MIPOL1: variants seen among roughly 807,000 people sequenced by gnomAD.
The protein encoded by MIPOL1 is mirror-image polydactyly gene 1 protein.
In MIPOL1, 57 loss-of-function variants were observed where a neutral mutation model predicts 60.9. That is an observed-to-expected ratio of 0.94 (90% CI 0.76 to 1.17). The LOEUF is 1.17. Among genes scored for constraint, MIPOL1 ranks in the 50% most tolerant of loss-of-function variants. The pLI is 0.00. For synonymous variants in MIPOL1, 179 were observed against 168.8 expected (o/e 1.06, Z -0.47); for missense variants, 551 against 511.6 (o/e 1.08, Z -0.74).
chr14:37,212,580 T>A (rs78378457), intron 1 of MIPOL1, among the ~76,000 whole-genome samples: 5,206 of 152,140 alleles, frequency 0.034, 226 homozygotes, highest in East Asian at 0.24. Flanking sequence ...CTTGCCGCAT[T>A]TTTTACTCTA....
At chr14:37,415,669 C>T (rs2093756192) in intron 10 of MIPOL1, among the ~76,000 whole-genome samples, 1 of 151,130 alleles carries the variant, frequency 6.6e-6, no homozygotes, top group African/African-American at 2.4e-5. Context: ...TTTAAAGCAC[C>T]AAATTTTGTC....
rs543005265 is a variant in MIPOL1 at position 37,547,258 on chromosome 14, T to C, written c.*287T>C. The C allele has an allele frequency of 5.2e-5, 16 of 307,878 alleles. No individual in the cohort carries two copies. In the East Asian group the frequency reaches 9.4e-4, roughly 18 times the overall value. The allele number at this position is 307,878 out of a possible 1,614,324, so 19.1% of individuals were successfully genotyped here. A position where few individuals can be genotyped will look rare whatever the true frequency, so the allele number is the denominator to read the frequency against. On this transcript the variant is annotated 3_prime_UTR_variant, in exon 13 of 13. Coordinates refer to ENST00000684589, the MANE Select transcript of MIPOL1 (RefSeq NM_001388067.1). ...TATATCTCAATATCTTTAATATAAA[T>C]CTTTTTACTGAGAGATCATTATAGA...
chr14:37,387,611 C>A (rs1289125158), intron 10 of MIPOL1, among the ~76,000 whole-genome samples: 1 of 151,880 alleles, frequency 6.6e-6, no homozygotes, highest in Non-Finnish European at 1.5e-5. Context: ...TGTGACCTAA[C>A]TTTCAGCCTA....
chr14:37,243,043 A>G (rs1046611282), intron 1 of MIPOL1, among the ~76,000 whole-genome samples: 1 of 152,202 alleles, frequency 6.6e-6, no homozygotes, highest in African/African-American at 2.4e-5. Flanking sequence ...GACCAGCATG[A>G]CTGGAGCATA....
intron 9 of MIPOL1, among the ~76,000 whole-genome samples, chr14:37,351,373 G>T (rs1202181991): frequency 2.7e-5 from 4 of 147,076 alleles, no homozygotes; most frequent in Non-Finnish European, 6.0e-5. Flanking sequence ...AAACATACGT[G>T]TGCATGTGTC....
chr14:37,406,077 A>G (rs1466895076), intron 10 of MIPOL1, among the ~76,000 whole-genome samples: 1 of 152,142 alleles, frequency 6.6e-6, no homozygotes, highest in East Asian at 1.9e-4. Context: ...AAATTTTAGA[A>G]TAATTTTATG....
chr14:37,231,946 G>A (rs1970702970), intron 1 of MIPOL1, among the ~76,000 whole-genome samples: 1 of 151,982 alleles, frequency 6.6e-6, no homozygotes, highest in Non-Finnish European at 1.5e-5. Flanking sequence ...GCCGGATATG[G>A]TGGTATGTGC....
chr14:37,369,377 C>G (rs1413387626), intron 9 of MIPOL1, 140 bp from the exon 10 acceptor site: 10 of 447,866 alleles, frequency 2.2e-5, no homozygotes, highest in Non-Finnish European at 2.3e-5. Context: ...TTTAACATTA[C>G]TTTTACTTAC....
chr14:37,535,349 G>A (rs1397790700), intron 12 of MIPOL1, among the ~76,000 whole-genome samples: 1 of 152,078 alleles, frequency 6.6e-6, no homozygotes, highest in Non-Finnish European at 1.5e-5. Flanking sequence ...TTTTTTCTGT[G>A]TTCTATTTAA....
chr14:37,252,259 A>G (rs1974240963), intron 3 of MIPOL1, among the ~76,000 whole-genome samples: 2 of 151,818 alleles, frequency 1.3e-5, no homozygotes, highest in Non-Finnish European at 2.9e-5. Flanking sequence ...ATTTATCTTT[A>G]AGCTTAAAAC....
intron 3 of MIPOL1, among the ~76,000 whole-genome samples, chr14:37,264,102 C>A (rs943693117): frequency 6.6e-6 from 1 of 152,126 alleles, no homozygotes; most frequent in Non-Finnish European, 1.5e-5. Context: ...AAAGATCCTT[C>A]TCCTGGGCTG....
chr14:37,252,390 ATTTAACAAT>A (rs1484021090), intron 3 of MIPOL1, among the ~76,000 whole-genome samples: 4 of 151,938 alleles, frequency 2.6e-5, no homozygotes, highest in African/African-American at 9.7e-5. Flanking sequence ...GCTAGTAAAT[ATTTAACAAT>A]TTTTTATCCT....
intron 11 of MIPOL1, among the ~76,000 whole-genome samples, chr14:37,431,321 C>G (rs903502642): frequency 2.0e-5 from 3 of 152,040 alleles, no homozygotes; most frequent in Admixed American, 6.6e-5. Context: ...TTTTTCCTTG[C>G]AATCATTGTC....
intron 9 of MIPOL1, among the ~76,000 whole-genome samples, chr14:37,338,655 T>G (rs903380636): frequency 6.6e-6 from 1 of 152,082 alleles, no homozygotes; most frequent in African/African-American, 2.4e-5. Context: ...GTGATTTGCC[T>G]GCCTCAGCCT....
At chr14:37,541,138 T>C (rs1289964922) in intron 12 of MIPOL1, among the ~76,000 whole-genome samples, 1 of 150,160 alleles carries the variant, frequency 6.7e-6, no homozygotes, top group East Asian at 1.9e-4. Flanking sequence ...CTGGATCTTC[T>C]TGTCACTCAG....
chr14:37,359,173 G>A (rs2092058298), intron 9 of MIPOL1, among the ~76,000 whole-genome samples: 1 of 152,136 alleles, frequency 6.6e-6, no homozygotes. Flanking sequence ...TGAGGCCTCT[G>A]TTCTGTTCGA....
At chr14:37,215,051 GC>G (rs1209981022) in intron 1 of MIPOL1, among the ~76,000 whole-genome samples, 3 of 152,052 alleles carry the variant, frequency 2.0e-5, no homozygotes, top group Non-Finnish European at 2.9e-5. Context: ...TGTACACCTG[GC>G]TCTGCCTTCT....
chr14:37,450,119 C>CT (rs540744602), intron 11 of MIPOL1, among the ~76,000 whole-genome samples: 185 of 151,420 alleles, frequency 1.2e-3, no homozygotes, highest in Middle Eastern at 6.9e-3. Flanking sequence ...GGCCACCTTT[C>CT]TTTTTTTTTG....
At chr14:37,269,198 G>A (rs762846469) in intron 5 of MIPOL1, among the ~76,000 whole-genome samples, 4 of 151,826 alleles carry the variant, frequency 2.6e-5, no homozygotes, top group Non-Finnish European at 4.4e-5. Flanking sequence ...AATAATACAT[G>A]TAATTAAACA....
Sources: gnomAD v4.1 joint callset for allele counts (sites outside exome capture counted in the v4.1 genomes callset) on GRCh38, gnomAD v4.1.1 for gene constraint, MANE v1.5 for transcripts, NCBI Gene and HGNC (gene_info 2026-07-23, HGNC 2026-07-21) for gene names.